The following PHEX variants were observed in gnomAD, a reference collection of about 807,000 sequenced individuals.
PHEX encodes the protein phosphate-regulating neutral endopeptidase PHEX.
Under a neutral mutation model 68.0 loss-of-function variants are expected in PHEX, and 16 were observed. That is an observed-to-expected ratio of 0.24 (90% CI 0.16 to 0.36). The LOEUF (loss-of-function observed/expected upper bound fraction) is 0.36, where lower values mean the gene tolerates loss of function less well. PHEX is among the 10% of genes least tolerant of loss of function. The pLI, the probability that PHEX is intolerant of heterozygous loss-of-function variation, is 1.00. For synonymous variants in PHEX, 208 were observed against 205.1 expected (o/e 1.01, Z -0.12); for missense variants, 480 against 575.5 (o/e 0.83, Z 1.70).
At chrX:22,194,191 T>A (rs755892425) in intron 15 of PHEX, among the ~76,000 whole-genome samples, 14 of 112,325 alleles carry the variant, frequency 1.2e-4, no homozygotes, top group African/African-American at 2.6e-4. Context: ...GGGTTTTTTT[T>A]AAAATGAACA....
intron 18 of PHEX, among the ~76,000 whole-genome samples, chrX:22,222,469 A>G (rs752896384): frequency 2.1e-4 from 23 of 111,919 alleles, no homozygotes; most frequent in African/African-American, 7.5e-4. Context: ...AAACGGGTCA[A>G]TGTTTCTGAA....
chrX:22,235,780 C>G (rs1935954482), intron 20 of PHEX, among the ~76,000 whole-genome samples: 1 of 110,990 alleles, frequency 9.0e-6, no homozygotes, highest in African/African-American at 3.3e-5. Context: ...TAATAAATAT[C>G]CTCTACTCTG....
chrX:22,221,484 G>C, intron 17 of PHEX, 129 bp from the exon 18 acceptor site: 1 of 547,291 alleles, frequency 1.8e-6, no homozygotes, highest in Non-Finnish European at 3.2e-6. Context: ...GAATGCAGGA[G>C]CTGATCTCAG....
chrX:22,145,337 G>A (rs756075678), intron 12 of PHEX, among the ~76,000 whole-genome samples: 4 of 112,041 alleles, frequency 3.6e-5, no homozygotes, highest in South Asian at 3.7e-4. Flanking sequence ...GGGGCCCGGC[G>A]CAGAGGCTTA....
At chrX:22,055,174 C>CAAA (rs111628195) in intron 3 of PHEX, among the ~76,000 whole-genome samples, 11 of 66,066 alleles carry the variant, frequency 1.7e-4, no homozygotes, top group Non-Finnish European at 2.4e-4. Context: ...GACTCCAGCT[C>CAAA]AAAAAAAAAA....
chrX:22,166,608 A>G lies in PHEX; in HGVS notation c.1405-1704A>G, dbSNP rs1038043373. Among the ~76,000 whole-genome samples, 6 of 110,784 alleles carry G rather than the reference A, an allele frequency of 5.4e-5. No individual in the cohort carries two copies. The Admixed American group carries it at 5.8e-4, about 11-fold the overall frequency. On this transcript the variant is annotated intron_variant, in intron 12 of 21. Coordinates refer to ENST00000379374, the MANE Select transcript of PHEX (RefSeq NM_000444.6). ...AAATGGGTAAATTAACATATCCATC[A>G]CCTCATATATTTATCATTTTTGTGG...
chrX:22,054,037 G>A (rs1272809238), intron 3 of PHEX, among the ~76,000 whole-genome samples: 1 of 111,931 alleles, frequency 8.9e-6, no homozygotes, highest in African/African-American at 3.2e-5. Context: ...TTAGTGATTA[G>A]GAAGTTCAGA....
intron 3 of PHEX, among the ~76,000 whole-genome samples, chrX:22,054,730 A>G (rs750268855): frequency 2.7e-5 from 3 of 111,434 alleles, no homozygotes; most frequent in Non-Finnish European, 3.8e-5. Flanking sequence ...CTGCATGAAG[A>G]TTTGGGCCTG....
intron 5 of PHEX, among the ~76,000 whole-genome samples, chrX:22,080,304 G>C (rs890548678): frequency 2.7e-5 from 3 of 112,128 alleles, no homozygotes; most frequent in Non-Finnish European, 5.6e-5. Flanking sequence ...ATGGCAGCTT[G>C]TTCCAAACTG....
chrX:22,231,113 A>G (rs1935719520), intron 20 of PHEX, among the ~76,000 whole-genome samples: 1 of 112,716 alleles, frequency 8.9e-6, no homozygotes, highest in Non-Finnish European at 1.9e-5. Context: ...CCATGTATGA[A>G]GCCGACTTGA....
intron 16 of PHEX, among the ~76,000 whole-genome samples, chrX:22,216,117 T>C (rs139796463): frequency 2.3e-3 from 255 of 112,030 alleles, no homozygotes; most frequent in African/African-American, 7.5e-3. Flanking sequence ...CAGGGTATTA[T>C]AACCATTTGA....
chrX:22,162,888 G>A (rs780106995), intron 12 of PHEX: 10 of 111,655 alleles, frequency 9.0e-5, no homozygotes, highest in Non-Finnish European at 1.7e-4. Context: ...GTGATTACTA[G>A]ATGGCTGCTC....
intron 8 of PHEX, chrX:22,098,118 CTG>C (rs1930231445): frequency 1.0e-5 from 1 of 98,218 alleles, no homozygotes; most frequent in Admixed American, 1.2e-4. Context: ...TTTTTAAAAA[CTG>C]TGTCACAGAG....
Position 22,205,356 on chromosome X carries a change from C to T in PHEX, c.1646-7548C>T, listed in dbSNP as rs7889363. On this transcript the variant is annotated intron_variant, in intron 15 of 21. Coordinates refer to ENST00000379374, the MANE Select transcript of PHEX (RefSeq NM_000444.6). ...TGAACAAATTCAATGATGCTTATTC[C>T]TTCAGAGGAGTCAAAAGAGATGTTG... is the stretch of plus-strand genomic sequence containing the variant. 6.2e-3 allele frequency among the ~76,000 whole-genome samples: 698 copies of T among 111,696 alleles called. 2 individuals are homozygous for T. The highest frequency in any genetic ancestry group is 0.021 in the African/African-American group (656 of 30,759).
At chrX:22,136,189 AT>A (rs1425662479) in intron 12 of PHEX, among the ~76,000 whole-genome samples, 1 of 110,538 alleles carries the variant, frequency 9.0e-6, no homozygotes, top group Non-Finnish European at 1.9e-5. Flanking sequence ...AAAAAAAAAA[AT>A]TTCTTGCCCT....
At chrX:22,238,237 G>T (rs1315395989) in intron 20 of PHEX, among the ~76,000 whole-genome samples, 1 of 112,421 alleles carries the variant, frequency 8.9e-6, no homozygotes, top group Non-Finnish European at 1.9e-5. Context: ...GAGGTACCCG[G>T]TTCATCTCAC....
At chrX:22,174,473 C>T (rs755717953) in intron 13 of PHEX, among the ~76,000 whole-genome samples, 8 of 111,477 alleles carry the variant, frequency 7.2e-5, no homozygotes, top group Non-Finnish European at 1.1e-4. Context: ...ATTAGCAAGT[C>T]TTCTAAAAGT....
At chrX:22,093,780 GT>G (rs1930006327) in intron 6 of PHEX, among the ~76,000 whole-genome samples, 2 of 112,166 alleles carry the variant, frequency 1.8e-5, no homozygotes, top group Non-Finnish European at 3.8e-5. Context: ...CATGGAAACA[GT>G]ACTCAAGTAG....
intron 5 of PHEX, among the ~76,000 whole-genome samples, chrX:22,085,643 G>T (rs1602280972): frequency 1.8e-5 from 2 of 109,786 alleles, no homozygotes; most frequent in South Asian, 7.7e-4. Context: ...TTGATTTTTA[G>T]TTCCATTGTG....
Sources: allele counts gnomAD v4.1 joint callset (sites outside exome capture counted in the v4.1 genomes callset), GRCh38; gene constraint gnomAD v4.1.1; transcripts MANE v1.5; gene names NCBI Gene and HGNC (gene_info 2026-07-23, HGNC 2026-07-21).